Variants in MACROD2 observed in about 807,000 individuals in gnomAD.
MACROD2 encodes ADP-ribose glycohydrolase MACROD2.
MACROD2 carries 36 observed loss-of-function variants against 70.4 expected under a neutral mutation model. That is an observed-to-expected ratio of 0.51 (90% confidence interval 0.39 to 0.68). The LOEUF (loss-of-function observed/expected upper bound fraction) is 0.68, where lower values mean the gene tolerates loss of function less well. Among genes scored for constraint, MACROD2 ranks in the 30% least tolerant of loss-of-function variants. The pLI is 0.00. For synonymous variants in MACROD2, 172 were observed against 178.8 expected, an observed-to-expected ratio of 0.96 and a Z score of 0.30; for missense variants, 496 against 538.4, an observed-to-expected ratio of 0.92 and a Z score of 0.78.
chr20:15,997,127 CAGTA>C (rs1373555497), intron 15 of MACROD2, among the ~76,000 whole-genome samples: 6 of 152,062 alleles, frequency 3.9e-5, no homozygotes, highest in Non-Finnish European at 8.8e-5. Context: ...AGTTTGAAAT[CAGTA>C]AGTGTGATGT....
intron 10 of MACROD2, among the ~76,000 whole-genome samples, chr20:15,905,780 C>T (rs552918548): frequency 5.8e-4 from 88 of 152,300 alleles, no homozygotes; most frequent in African/African-American, 2.0e-3. Flanking sequence ...AGCCTTAAAA[C>T]TGTCCACCTA....
chr20:15,752,293 TTTA>T (rs142009114), intron 8 of MACROD2, among the ~76,000 whole-genome samples: 16,527 of 151,164 alleles, frequency 0.11, 1,035 homozygotes, highest in Admixed American at 0.14. Context: ...AACTGCAACC[TTTA>T]TTATTATTAT....
intron 6 of MACROD2, among the ~76,000 whole-genome samples, chr20:15,340,361 C>T (rs879335838): frequency 1.1e-4 from 17 of 151,856 alleles, no homozygotes; most frequent in Non-Finnish European, 2.2e-4. Context: ...TGGTCTTGAA[C>T]TCCTGACCTC....
At chr20:15,765,723 A>G (rs1235354671) in intron 8 of MACROD2, among the ~76,000 whole-genome samples, 1 of 152,234 alleles carries the variant, frequency 6.6e-6, no homozygotes, top group Non-Finnish European at 1.5e-5. Flanking sequence ...AGAAAGGAAT[A>G]TGTCAAGATA....
chr20:14,539,252 A>G (rs2085402685), intron 4 of MACROD2, among the ~76,000 whole-genome samples: 2 of 152,176 alleles, frequency 1.3e-5, no homozygotes, highest in African/African-American at 4.8e-5. Flanking sequence ...GGGGAAGGAA[A>G]AGGCATAGCA....
At chr20:15,910,950 G>C (rs2065227800) in intron 10 of MACROD2, among the ~76,000 whole-genome samples, 1 of 152,176 alleles carries the variant, frequency 6.6e-6, no homozygotes, top group Admixed American at 6.5e-5. Context: ...GCCTCCCTCT[G>C]TATTGGCTCT....
At chr20:15,516,018 C>T (rs1259827128) in intron 8 of MACROD2, among the ~76,000 whole-genome samples, 1 of 152,218 alleles carries the variant, frequency 6.6e-6, no homozygotes, top group Admixed American at 6.5e-5. Flanking sequence ...TGATCTATAG[C>T]TGATGGGCAC....
chr20:14,798,979 A>G (rs1408066678), intron 5 of MACROD2, among the ~76,000 whole-genome samples: 4 of 151,998 alleles, frequency 2.6e-5, no homozygotes, highest in South Asian at 2.1e-4. Context: ...GAAATATATA[A>G]CAGTTGTATA....
chr20:14,854,787 C>T (rs560692961), intron 5 of MACROD2, among the ~76,000 whole-genome samples: 20 of 152,066 alleles, frequency 1.3e-4, no homozygotes, highest in African/African-American at 2.2e-4. Context: ...GAGGCCGAGG[C>T]GGGTGGATCA....
At chr20:15,284,661 T>C (rs565926913) in intron 6 of MACROD2, among the ~76,000 whole-genome samples, 23 of 152,316 alleles carry the variant, frequency 1.5e-4, no homozygotes, top group African/African-American at 5.5e-4. Context: ...CCCTTCATTT[T>C]GCTGAGAAAA....
chr20:14,740,239 T>C (rs573681586), intron 5 of MACROD2, among the ~76,000 whole-genome samples: 1 of 152,274 alleles, frequency 6.6e-6, no homozygotes, highest in East Asian at 1.9e-4. Flanking sequence ...GTAGGTCTTA[T>C]GAACCATTTT....
intron 8 of MACROD2, among the ~76,000 whole-genome samples, chr20:15,783,764 C>T (rs965287256): frequency 9.9e-5 from 15 of 152,162 alleles, no homozygotes; most frequent in African/African-American, 3.6e-4. Context: ...CTCCAGTTGC[C>T]TCTCTTTCCC....
At chr20:14,129,628 G>T (rs1246954348) in intron 3 of MACROD2, among the ~76,000 whole-genome samples, 2 of 152,158 alleles carry the variant, frequency 1.3e-5, no homozygotes, top group African/African-American at 4.8e-5. Flanking sequence ...ATGACATATT[G>T]TAGAGAAATC....
intron 5 of MACROD2, among the ~76,000 whole-genome samples, chr20:15,156,844 A>G (rs1216915530): frequency 6.6e-6 from 1 of 152,236 alleles, no homozygotes; most frequent in Non-Finnish European, 1.5e-5. Context: ...GTATTAGCCA[A>G]GCCATTTATA....
intron 6 of MACROD2, among the ~76,000 whole-genome samples, chr20:15,357,737 G>C (rs917790025): frequency 2.0e-5 from 3 of 150,126 alleles, no homozygotes; most frequent in Non-Finnish European, 3.0e-5. Flanking sequence ...TTTTTCTGAT[G>C]TTGAGATAAG....
chr20:15,683,882 T>G (rs2050193444), intron 8 of MACROD2, among the ~76,000 whole-genome samples: 1 of 152,142 alleles, frequency 6.6e-6, no homozygotes. Context: ...GCCTGGCTGC[T>G]TAGCTTGCTG....
intron 12 of MACROD2, among the ~76,000 whole-genome samples, chr20:15,966,761 T>A (rs2066145964): frequency 6.6e-6 from 1 of 152,122 alleles, no homozygotes; most frequent in South Asian, 2.1e-4. Flanking sequence ...TGGCATATAC[T>A]TGGCCATTAT....
At chr20:14,489,247 G>A (rs991318597) in intron 3 of MACROD2, among the ~76,000 whole-genome samples, 2 of 152,184 alleles carry the variant, frequency 1.3e-5, no homozygotes, top group Non-Finnish European at 2.9e-5. Flanking sequence ...ATTTTGTTTG[G>A]GAGGTGTAAA....
rs901228233 is a variant in MACROD2, at chr20:14,013,754, C to T, written c.163+11350C>T. Among the ~76,000 whole-genome samples, 5 of 124,758 alleles carry T rather than the reference C, an allele frequency of 4.0e-5. No homozygotes were observed. In the South Asian group the frequency reaches 8.0e-4, roughly 20 times the overall value. The allele number at this position is 124,758 out of a possible 152,430, so 81.8% of individuals were successfully genotyped here. A position where few individuals can be genotyped will look rare whatever the true frequency, so the allele number is the denominator to read the frequency against. ...GGAGTGCCATGGCACTTGACCTTGT[C>T]TCACTGCAACCTCCGCCTCCTGGGT... is the stretch of plus-strand genomic sequence containing the variant. On this transcript the variant is annotated intron_variant, in intron 2 of 17. Transcript: ENST00000684519.
Sources: allele counts gnomAD v4.1 joint callset (sites outside exome capture counted in the v4.1 genomes callset), GRCh38; gene constraint gnomAD v4.1.1; transcripts MANE v1.5; gene names NCBI Gene and HGNC (gene_info 2026-07-23, HGNC 2026-07-21).